Variants in PCDH11X observed in about 807,000 individuals in gnomAD.
The protein encoded by PCDH11X is protocadherin 11 X-linked.
A neutral mutation model predicts 53.3 loss-of-function variants in PCDH11X; 18 were observed. The observed-to-expected ratio is 0.34, with a 90% CI of 0.23 to 0.50. PCDH11X has a LOEUF of 0.50. Among genes scored for constraint, PCDH11X ranks in the 20% least tolerant of loss-of-function variants. PCDH11X has a pLI of 0.98. For missense variants in PCDH11X, 570 were observed against 1,032.4 expected, an observed-to-expected ratio of 0.55 and a Z score of 6.14; for synonymous variants, 279 against 393.3, an observed-to-expected ratio of 0.71 and a Z score of 3.44.
At chrX:92,347,006 C>G (rs12853253) in intron 8 of PCDH11X, among the ~76,000 whole-genome samples, 2 of 110,901 alleles carry the variant, frequency 1.8e-5, no homozygotes, top group Non-Finnish European at 3.8e-5. Flanking sequence ...TGAGTCATTC[C>G]CTTGAATTAT....
chrX:92,363,940 G>T (rs2070402568), intron 8 of PCDH11X, among the ~76,000 whole-genome samples: 1 of 111,334 alleles, frequency 9.0e-6, no homozygotes, highest in South Asian at 3.7e-4. Context: ...CCTTCATTCT[G>T]TTAGGTGGTA....
chrX:91,822,261 C>T (rs1299987512), intron 4 of PCDH11X, among the ~76,000 whole-genome samples: 1 of 107,773 alleles, frequency 9.3e-6, no homozygotes, highest in Non-Finnish European at 1.9e-5. Context: ...ACCAGTTCCT[C>T]CTTGTACCTC....
chrX:92,580,571 G>A lies in PCDH11X; in HGVS notation c.3368-37693G>A, dbSNP rs780714022. Among the ~76,000 whole-genome samples, 160 of 110,501 alleles carry A rather than the reference G, an allele frequency of 1.4e-3. No homozygotes were observed. The Middle Eastern group carries it at 0.037, about 26-fold the overall frequency. On this transcript the variant is annotated intron_variant, in intron 10 of 10. Coordinates refer to ENST00000682573, the MANE Select transcript of PCDH11X (RefSeq NM_032968.5). ...TGGAGAATTTCTTCCGGTCCAAGCA[G>A]CCCAGTCTCCCTCTCACAGGCCGGG... is the stretch of plus-strand genomic sequence containing the variant.
intron 6 of PCDH11X, among the ~76,000 whole-genome samples, chrX:91,915,903 G>C (rs916502680): frequency 9.1e-6 from 1 of 110,026 alleles, no homozygotes; most frequent in Non-Finnish European, 1.9e-5. Flanking sequence ...TTTTTTTTCA[G>C]CACATGGAAT....
At chrX:92,142,370 GCACA>G (rs201418320) in intron 6 of PCDH11X, among the ~76,000 whole-genome samples, 1,842 of 95,312 alleles carry the variant, frequency 0.019, 36 homozygotes, top group East Asian at 0.15. Context: ...GTGCGCGCGC[GCACA>G]CACACACACA....
At chrX:92,467,380 G>T (rs1037104318) in intron 9 of PCDH11X, among the ~76,000 whole-genome samples, 1 of 110,573 alleles carries the variant, frequency 9.0e-6, no homozygotes, top group Admixed American at 9.7e-5. Context: ...ATTCAAAATA[G>T]ATTTTTAACA....
chrX:91,978,006 A>G (rs1326346785), intron 6 of PCDH11X, among the ~76,000 whole-genome samples: 2 of 111,846 alleles, frequency 1.8e-5, no homozygotes, highest in East Asian at 5.6e-4. Context: ...CTAAGAAAAC[A>G]GTTCTGATCG....
At chrX:92,050,259 G>A (rs762425860) in intron 6 of PCDH11X, among the ~76,000 whole-genome samples, 1 of 106,773 alleles carries the variant, frequency 9.4e-6, no homozygotes, top group Non-Finnish European at 1.9e-5. Context: ...AGAAAAGCTG[G>A]CATTCATACT....
At chrX:92,370,457 TTTC>T (rs1164910078) in intron 8 of PCDH11X, among the ~76,000 whole-genome samples, 2 of 99,122 alleles carry the variant, frequency 2.0e-5, no homozygotes, top group Non-Finnish European at 1.9e-5. Flanking sequence ...TATGTTCTTT[TTTC>T]TTTTTTTTTT....
intron 10 of PCDH11X, among the ~76,000 whole-genome samples, chrX:92,518,529 G>A (rs2074306702): frequency 9.0e-6 from 1 of 111,365 alleles, no homozygotes; most frequent in East Asian, 2.8e-4. Context: ...ATTAAAAGGA[G>A]CCAATGTTTT....
At position 92,484,133 on chromosome X, in the gene PCDH11X, ATATGTAT is replaced by A. The variant is rs1569494448; in HGVS notation, c.3367+15812_3367+15818del. On this transcript the variant is annotated intron_variant, in intron 10 of 10. Transcript: ENST00000682573. ...GTATATATATAGTATATATATGTAT[ATATGTAT>A]GTATATATATGTATATATGTATATA... Among the ~76,000 whole-genome samples the A allele has an allele frequency of 9.8e-3, 394 of 40,318 alleles. 6 individuals carry two copies. The East Asian group carries it at 0.2, about 21-fold the overall frequency. 35.0% of individuals were successfully genotyped at this position (40,318 alleles called of 115,157 possible). A position where few individuals can be genotyped will look rare whatever the true frequency, so the allele number is the denominator to read the frequency against.
intron 6 of PCDH11X, among the ~76,000 whole-genome samples, chrX:91,974,565 A>G (rs1176758431): frequency 9.1e-6 from 1 of 110,220 alleles, no homozygotes; most frequent in Non-Finnish European, 1.9e-5. Context: ...TAAGGTGTTC[A>G]GTGTGGCTAA....
chrX:91,995,953 C>A (rs1488311632), intron 6 of PCDH11X, among the ~76,000 whole-genome samples: 4 of 104,992 alleles, frequency 3.8e-5, no homozygotes, highest in African/African-American at 1.0e-4. Flanking sequence ...AGGTCCATGC[C>A]ATTCTCCTGC....
chrX:91,951,917 A>G (rs2061645239), intron 6 of PCDH11X, among the ~76,000 whole-genome samples: 1 of 111,567 alleles, frequency 9.0e-6, no homozygotes, highest in Non-Finnish European at 1.9e-5. Context: ...TTCTAGCTGC[A>G]GTAGCAAAGC....
rs1465255257 is a variant in PCDH11X, at chrX:92,530,685, T to C, written c.3367+62363T>C. On this transcript the variant is annotated intron_variant, in intron 10 of 10. Coordinates refer to ENST00000682573, the MANE Select transcript of PCDH11X (RefSeq NM_032968.5). ...AATATTTTATCACCTGGGTGATGAA[T>C]ATTTGAATCGATTGTTTTTAGCTTA... Among the ~76,000 whole-genome samples the C allele has an allele frequency of 2.7e-5, 3 of 112,663 alleles. No individual in the cohort carries two copies. The South Asian group carries it at 1.1e-3, about 41-fold the overall frequency.
At chrX:92,126,465 T>C (rs34077639) in intron 6 of PCDH11X, among the ~76,000 whole-genome samples, 3,524 of 108,961 alleles carry the variant, frequency 0.032, 163 homozygotes, top group African/African-American at 0.11. Context: ...ACAAAATTAG[T>C]GGGTGTGGTG....
chrX:92,377,659 C>T (rs1262015902), intron 8 of PCDH11X, among the ~76,000 whole-genome samples: 5 of 101,809 alleles, frequency 4.9e-5, no homozygotes, highest in African/African-American at 1.4e-4. Flanking sequence ...CAGATAATTT[C>T]GTATCTGTGA....
At chrX:92,399,430 G>A (rs1328224493) in intron 9 of PCDH11X, among the ~76,000 whole-genome samples, 2 of 110,650 alleles carry the variant, frequency 1.8e-5, no homozygotes, top group African/African-American at 3.3e-5. Flanking sequence ...AGGTAAAGAT[G>A]AAGGAGAGCA....
intron 10 of PCDH11X, among the ~76,000 whole-genome samples, chrX:92,584,002 A>G: frequency 9.1e-6 from 1 of 110,404 alleles, no homozygotes; most frequent in Non-Finnish European, 1.9e-5. Flanking sequence ...AAATCACAAT[A>G]TTTGGAAATT....
Sources: gnomAD v4.1 joint callset for allele counts (sites outside exome capture counted in the v4.1 genomes callset) on GRCh38, gnomAD v4.1.1 for gene constraint, MANE v1.5 for transcripts, NCBI Gene and HGNC (gene_info 2026-07-23, HGNC 2026-07-21) for gene names.